The following VAV2 variants were observed in gnomAD, a reference collection of about 807,000 sequenced individuals.
The protein encoded by VAV2 is guanine nucleotide exchange factor VAV2.
In VAV2, 67 loss-of-function variants were observed where a neutral mutation model predicts 132.5. The observed-to-expected ratio is 0.51, with a 90% CI of 0.42 to 0.62. The LOEUF is 0.62. VAV2 is among the 20% of genes least tolerant of loss of function. The probability of loss-of-function intolerance (pLI) is 0.00; values close to 1 mark genes in which losing one functional copy is unlikely to be tolerated. For synonymous variants in VAV2, 492 were observed against 443.5 expected, an observed-to-expected ratio of 1.11 and a Z score of -1.37; for missense variants, 938 against 1,153.6, an observed-to-expected ratio of 0.81 and a Z score of 2.71.
At chr9:133,827,146 G>A (rs1175092446) in intron 4 of VAV2, among the ~76,000 whole-genome samples, 1 of 152,216 alleles carries the variant, frequency 6.6e-6, no homozygotes, top group African/African-American at 2.4e-5. Context: ...CTTGAAGCTG[G>A]AAGGAAGAAG....
Position 133,834,469 on chromosome 9 carries a change from G to A in VAV2, c.381-129C>T. 1 of 927,682 alleles carries A rather than the reference G, an allele frequency of 1.1e-6. No individual in the cohort carries two copies. The highest frequency in any genetic ancestry group is 1.6e-5 in the South Asian group (1 of 63,726). 57.5% of individuals were successfully genotyped at this position (927,682 alleles called of 1,614,324 possible). A position where few individuals can be genotyped will look rare whatever the true frequency, so the allele number is the denominator to read the frequency against. ...GCAAAGGGGCTCTTGTCCACTCTCT[G>A]GAAGGACACAGGGTGCGCGGACACT... On this transcript the variant is annotated intron_variant, in intron 3 of 29. Transcript: ENST00000371850. This position sits in a 1 kb window ranked among gnomAD's most constrained non-coding sequence, Gnocchi z 5.9.
chr9:133,870,260 G>A (rs929966395), intron 2 of VAV2, among the ~76,000 whole-genome samples: 6 of 152,174 alleles, frequency 3.9e-5, no homozygotes, highest in Non-Finnish European at 7.3e-5. Flanking sequence ...GGGGCCGGCA[G>A]AGTGCAGGAA....
At chr9:133,979,457 C>T (rs1842623322) in intron 1 of VAV2, among the ~76,000 whole-genome samples, 1 of 152,296 alleles carries the variant, frequency 6.6e-6, no homozygotes, top group East Asian at 1.9e-4. Flanking sequence ...CAGGCAGGGG[C>T]TGCATGAGGA....
intron 1 of VAV2, among the ~76,000 whole-genome samples, chr9:133,986,440 T>C (rs1842857964): frequency 6.6e-6 from 1 of 152,162 alleles, no homozygotes; most frequent in Admixed American, 6.5e-5. Flanking sequence ...TGCTCTATGC[T>C]ATGAAGGGCA....
chr9:133,870,037 A>ATT (rs1564421764), intron 2 of VAV2, among the ~76,000 whole-genome samples: 61 of 152,020 alleles, frequency 4.0e-4, no homozygotes, highest in African/African-American at 1.3e-3. Context: ...GAAAGCACGG[A>ATT]CAGAAAAATT....
At chr9:133,901,728 T>C (rs909948426) in intron 2 of VAV2, among the ~76,000 whole-genome samples, 4 of 152,178 alleles carry the variant, frequency 2.6e-5, no homozygotes, top group Admixed American at 2.6e-4. Context: ...GGGGTATTTA[T>C]TTCCCCCACT....
intron 1 of VAV2, among the ~76,000 whole-genome samples, chr9:133,959,664 G>A (rs544931804): frequency 4.6e-5 from 7 of 152,206 alleles, no homozygotes; most frequent in Non-Finnish European, 1.0e-4. Flanking sequence ...TTAGGAAAAC[G>A]GTCTTTGCAG....
intron 1 of VAV2, among the ~76,000 whole-genome samples, chr9:133,966,072 T>C (rs1217414724): frequency 6.6e-6 from 1 of 152,186 alleles, no homozygotes; most frequent in Non-Finnish European, 1.5e-5. Context: ...GTAAACTGCA[T>C]ATCCATATGC....
chr9:133,979,028 G>C (rs1192107405), intron 1 of VAV2, among the ~76,000 whole-genome samples: 1 of 152,230 alleles, frequency 6.6e-6, no homozygotes, highest in Non-Finnish European at 1.5e-5. Flanking sequence ...CCCAGTGTGA[G>C]AGCAGGTCTG....
At chr9:133,908,727 C>T (rs867719180) in intron 2 of VAV2, among the ~76,000 whole-genome samples, 4 of 152,286 alleles carry the variant, frequency 2.6e-5, no homozygotes, top group South Asian at 2.1e-4. Context: ...GGCGTCCCCA[C>T]GCCCTTGCCA....
chr9:133,848,775 C>G (rs899551932), intron 3 of VAV2, among the ~76,000 whole-genome samples: 1 of 152,200 alleles, frequency 6.6e-6, no homozygotes, highest in South Asian at 2.1e-4. Context: ...GTCGTTCAGG[C>G]TCCCCTGAAC....
intron 2 of VAV2, among the ~76,000 whole-genome samples, chr9:133,905,389 T>C (rs759144923): frequency 6.9e-6 from 1 of 145,236 alleles, no homozygotes; most frequent in Non-Finnish European, 1.5e-5. Context: ...TGAGCCAAGA[T>C]TGTGCCACTG....
chr9:133,785,505 G>C (rs1834181881), intron 17 of VAV2, among the ~76,000 whole-genome samples: 1 of 152,206 alleles, frequency 6.6e-6, no homozygotes, highest in Admixed American at 6.5e-5. Flanking sequence ...CTCAAGGGTG[G>C]GATGGCTCAT....
intron 24 of VAV2, 28 bp downstream of exon 24, chr9:133,776,000 C>A: frequency 6.3e-7 from 1 of 1,591,174 alleles, no homozygotes; most frequent in Non-Finnish European, 8.6e-7. Flanking sequence ...CACCAGATGC[C>A]CATGTCTGCA....
intron 1 of VAV2, among the ~76,000 whole-genome samples, chr9:133,947,312 C>G (rs1240544952): frequency 2.0e-5 from 3 of 152,162 alleles, no homozygotes; most frequent in Non-Finnish European, 4.4e-5. Context: ...CTGGTCAGAT[C>G]CAATAACCAC....
intron 4 of VAV2, among the ~76,000 whole-genome samples, chr9:133,829,381 G>A (rs915568072): frequency 6.6e-6 from 1 of 152,264 alleles, no homozygotes; most frequent in Admixed American, 6.5e-5. Flanking sequence ...CCACACAGGG[G>A]ACTGGCTCCA....
chr9:133,808,811 G>GCAGGGA, intron 7 of VAV2, among the ~76,000 whole-genome samples: 1 of 152,360 alleles, frequency 6.6e-6, no homozygotes, highest in East Asian at 1.9e-4. Flanking sequence ...CAGAGGAGGA[G>GCAGGGA]CAGGGACAGG....
At chr9:133,954,231 C>T (rs1037075112) in intron 1 of VAV2, among the ~76,000 whole-genome samples, 6 of 152,312 alleles carry the variant, frequency 3.9e-5, no homozygotes, top group East Asian at 1.9e-4. Flanking sequence ...TTCTGAGAAG[C>T]GGCATGTGCC....
intron 1 of VAV2, among the ~76,000 whole-genome samples, chr9:133,979,788 G>T (rs1842636565): frequency 6.6e-6 from 1 of 152,336 alleles, no homozygotes; most frequent in African/African-American, 2.4e-5. Flanking sequence ...CATTCGGGGA[G>T]CACAGGTGCT....
Sources: allele counts gnomAD v4.1 joint callset (sites outside exome capture counted in the v4.1 genomes callset), GRCh38; gene constraint gnomAD v4.1.1; non-coding constraint Gnocchi (gnomAD v3.1); transcripts MANE v1.5; gene names NCBI Gene and HGNC (gene_info 2026-07-23, HGNC 2026-07-21).